NRCAM: variants seen among roughly 807,000 people sequenced by gnomAD.
The protein encoded by NRCAM is neuronal cell adhesion molecule.
NRCAM carries 83 observed loss-of-function variants against 156.5 expected under a neutral mutation model. That is an observed-to-expected ratio of 0.53 (90% CI 0.44 to 0.64). The LOEUF is 0.64. Ranked by LOEUF, NRCAM falls within the 30% of genes least tolerant of loss-of-function variation. NRCAM has a pLI of 0.00. For synonymous variants in NRCAM, 538 were observed against 563.9 expected, an observed-to-expected ratio of 0.95 and a Z score of 0.65; for missense variants, 1,417 against 1,597.3, an observed-to-expected ratio of 0.89 and a Z score of 1.92.
chr7:108,439,096 A>G (rs772801972), intron 1 of NRCAM, among the ~76,000 whole-genome samples: 2 of 152,144 alleles, frequency 1.3e-5, no homozygotes, highest in African/African-American at 2.4e-5. Context: ...ACTTTTTTCC[A>G]TGAAATTAAC....
chr7:108,426,316 T>C (rs1429149864), intron 1 of NRCAM, among the ~76,000 whole-genome samples: 2 of 152,238 alleles, frequency 1.3e-5, no homozygotes, highest in Non-Finnish European at 2.9e-5. Context: ...AAACATACCT[T>C]CTTCATTACT....
At chr7:108,284,851 C>T (rs1419109156) in intron 3 of NRCAM, among the ~76,000 whole-genome samples, 1 of 152,206 alleles carries the variant, frequency 6.6e-6, no homozygotes, top group Non-Finnish European at 1.5e-5. Flanking sequence ...GAGGGCAGGA[C>T]ACACTTCTTG....
At chr7:108,152,194 G>T (rs1350523628) in intron 32 of NRCAM, among the ~76,000 whole-genome samples, 1 of 152,208 alleles carries the variant, frequency 6.6e-6, no homozygotes, top group Non-Finnish European at 1.5e-5. Context: ...AAAGACTGCA[G>T]AAGGTGTTGG....
At position 108,327,790 on chromosome 7, in the gene NRCAM, GA is replaced by G. The variant is rs200027033; in HGVS notation, c.-173-15060del. On this transcript the variant is annotated intron_variant, in intron 2 of 32. Coordinates refer to ENST00000379028, the MANE Select transcript of NRCAM (RefSeq NM_001037132.4). ...GAGAATCAATACAAAAAACCTAAGG[GA>G]AACTCTCAAGTTAGTGCCGAGGGAA... 5.9e-3 allele frequency among the ~76,000 whole-genome samples: 901 copies of G among 152,220 alleles called. 10 individuals are homozygous for G. Among genetic ancestry groups the G allele is most frequent in the African/African-American group, 0.02 (842 of 41,534 alleles).
intron 11 of NRCAM, among the ~76,000 whole-genome samples, chr7:108,218,570 G>A (rs1445475484): frequency 6.6e-6 from 1 of 152,144 alleles, no homozygotes; most frequent in Non-Finnish European, 1.5e-5. Context: ...TCAAAGCCAT[G>A]CAAAAACACG....
At chr7:108,363,606 T>C (rs979905289) in intron 2 of NRCAM, among the ~76,000 whole-genome samples, 1 of 152,096 alleles carries the variant, frequency 6.6e-6, no homozygotes, top group Non-Finnish European at 1.5e-5. Flanking sequence ...AAGAGTACAG[T>C]ATGGAAGGAT....
chr7:108,385,308 A>G (rs1402410994), intron 2 of NRCAM, among the ~76,000 whole-genome samples: 2 of 152,180 alleles, frequency 1.3e-5, no homozygotes, highest in African/African-American at 2.4e-5. Flanking sequence ...CACCCAATAT[A>G]CCTACAGTCT....
intron 11 of NRCAM, among the ~76,000 whole-genome samples, chr7:108,220,446 T>C (rs1481270988): frequency 2.0e-5 from 3 of 152,150 alleles, no homozygotes; most frequent in Non-Finnish European, 4.4e-5. Flanking sequence ...GATTTCAAAC[T>C]ATACTATAAG....
At chr7:108,387,425 T>C (rs1563563593) in intron 2 of NRCAM, among the ~76,000 whole-genome samples, 1 of 152,150 alleles carries the variant, frequency 6.6e-6, no homozygotes, top group Non-Finnish European at 1.5e-5. Context: ...TTATAGGTAA[T>C]TACTGGTAAT....
At position 108,343,430 on chromosome 7, in the gene NRCAM, AGAAAG is replaced by A. The variant is rs1170273299; in HGVS notation, c.-173-30704_-173-30700del. ...GCAGTCTTACACTGCTGGGGTCATC[AGAAAG>A]GAAAGGAAAGGGAAATAGAAGGGAA... is the stretch of plus-strand genomic sequence containing the variant. On this transcript the variant is annotated intron_variant, in intron 2 of 32. Coordinates refer to ENST00000379028, the MANE Select transcript of NRCAM (RefSeq NM_001037132.4). 8.5e-5 allele frequency among the ~76,000 whole-genome samples: 13 copies of A among 152,292 alleles called. 1 individual carries two copies. The South Asian group carries it at 1.9e-3, about 22-fold the overall frequency.
intron 2 of NRCAM, among the ~76,000 whole-genome samples, chr7:108,347,853 C>G (rs893555124): frequency 2.6e-5 from 4 of 152,164 alleles, no homozygotes; most frequent in African/African-American, 9.7e-5. Context: ...AGACTCTGTT[C>G]CCCAGCCAGT....
chr7:108,339,524 C>A (rs2099250291), intron 2 of NRCAM, among the ~76,000 whole-genome samples: 1 of 152,170 alleles, frequency 6.6e-6, no homozygotes, highest in Non-Finnish European at 1.5e-5. Context: ...TGCAGCCTAG[C>A]TCTAGGACTC....
Position 108,191,849 on chromosome 7 carries a change from T to C in NRCAM, c.1783A>G (p.Thr595Ala). 6.2e-7 allele frequency: 1 copy of C among 1,613,282 alleles called. No homozygotes were observed. Among genetic ancestry groups the C allele is most frequent in the Non-Finnish European group, 8.5e-7 (1 of 1,179,874 alleles). ...ACCACTAGATGATCCTTGTCAACAGTGAACCTGTGGATAGAATGCATTCAG... is the reference window on the plus strand; with the variant it reads ...ACCACTAGATGATCCTTGTCAACAGCGAACCTGTGGATAGAATGCATTCAG... ...NRELPSDERFTVDKDHLVVAD... is the reference protein window; with the variant it reads ...NRELPSDERFAVDKDHLVVAD... The change falls in exon 18 of 33, where the codon ACT becomes GCT. Residue 595 changes from threonine (T) to alanine (A), a missense_variant. Transcript: ENST00000379028.
chr7:108,409,281 T>C (rs2154407907), intron 1 of NRCAM, among the ~76,000 whole-genome samples: 1 of 152,310 alleles, frequency 6.6e-6, no homozygotes, highest in Middle Eastern at 3.4e-3. Flanking sequence ...TAAATAGAAA[T>C]GGATGACATA....
chr7:108,330,383 G>C (rs1274226708), intron 2 of NRCAM, among the ~76,000 whole-genome samples: 2 of 152,128 alleles, frequency 1.3e-5, no homozygotes, highest in Non-Finnish European at 2.9e-5. Context: ...GAGGAGAGAC[G>C]AGTCTTGATT....
At chr7:108,378,725 A>G (rs2099687770) in intron 2 of NRCAM, among the ~76,000 whole-genome samples, 1 of 151,548 alleles carries the variant, frequency 6.6e-6, no homozygotes, top group Admixed American at 6.6e-5. Flanking sequence ...AATTTCAGAA[A>G]TCCAAAGGCA....
At position 108,159,483 on chromosome 7, in the gene NRCAM, A is replaced by G. The variant is rs1482541669; in HGVS notation, c.3657T>C (p.Asp1219=). The stretch of plus-strand genomic sequence containing the variant: ...CTCACCTGTATTCTCCAAATGTCCC[A>G]TCATCTTCCTTCATAGGCTGGATTT... ...DPEIQPMKED[D]GTFGEYSDAE... The change falls in exon 32 of 33, where the codon GAT becomes GAC. Residue 1219 remains aspartate (D), a synonymous_variant. Coordinates refer to ENST00000379028, the MANE Select transcript of NRCAM (RefSeq NM_001037132.4). 1.9e-6 allele frequency: 3 copies of G among 1,613,452 alleles called. No homozygotes were observed. Among genetic ancestry groups the G allele is most frequent in the Non-Finnish European group, 2.5e-6 (3 of 1,179,486 alleles).
At chr7:108,185,713 C>T (rs1485505386) in intron 20 of NRCAM, among the ~76,000 whole-genome samples, 1 of 122,966 alleles carries the variant, frequency 8.1e-6, no homozygotes, top group African/African-American at 2.9e-5. Flanking sequence ...GAAACCCTGT[C>T]TCAAAAAAGA....
intron 3 of NRCAM, among the ~76,000 whole-genome samples, chr7:108,301,339 C>T (rs1462777721): frequency 6.6e-6 from 1 of 152,086 alleles, no homozygotes; most frequent in Non-Finnish European, 1.5e-5. Flanking sequence ...TTTCCACAGA[C>T]AACATTTACA....
Sources: allele counts gnomAD v4.1 joint callset (sites outside exome capture counted in the v4.1 genomes callset), GRCh38; gene constraint gnomAD v4.1.1; transcripts MANE v1.5; gene names NCBI Gene and HGNC (gene_info 2026-07-23, HGNC 2026-07-21).